SDHD: variants seen among roughly 807,000 people sequenced by gnomAD.
SDHD encodes the protein succinate dehydrogenase [ubiquinone] cytochrome b small subunit, mitochondrial.
Under a neutral mutation model 18.7 loss-of-function variants are expected in SDHD, and 6 were observed. That is an observed-to-expected ratio of 0.32 (90% CI 0.18 to 0.63). The LOEUF (loss-of-function observed/expected upper bound fraction) is 0.63. Among genes scored for constraint, SDHD ranks in the 30% least tolerant of loss-of-function variants. The pLI, the probability that SDHD is intolerant of heterozygous loss-of-function variation, is 0.79. For synonymous variants in SDHD, 56 were observed against 73.9 expected, an observed-to-expected ratio of 0.76 and a Z score of 1.24; for missense variants, 160 against 192.7, an observed-to-expected ratio of 0.83 and a Z score of 1.00.
intron 3 of SDHD, chr11:112,093,179 G>T (rs1247928462): frequency 1.4e-5 from 5 of 361,300 alleles, no homozygotes; most frequent in South Asian, 9.6e-5. Context: ...CGATTCTCCT[G>T]CCTCAGCCTC....
At chr11:112,088,378 T>C (rs1209969788) in intron 2 of SDHD, 3 of 340,678 alleles carry the variant, frequency 8.8e-6, no homozygotes, top group Admixed American at 8.6e-5. Context: ...TTTTGTACTT[T>C]TAGTAGAGAC....
At chr11:112,089,412 A>C (rs1252354809) in intron 3 of SDHD, among the ~76,000 whole-genome samples, 8 of 152,166 alleles carry the variant, frequency 5.3e-5, no homozygotes, top group Non-Finnish European at 1.2e-4. Context: ...TTCATTCCCA[A>C]CACAGCATAC....
At chr11:112,090,126 G>T (rs1366699211) in intron 3 of SDHD, among the ~76,000 whole-genome samples, 1 of 152,024 alleles carries the variant, frequency 6.6e-6, no homozygotes, top group Non-Finnish European at 1.5e-5. Flanking sequence ...TTTATTTTTT[G>T]AGACAGAGTC....
At position 112,086,932 on chromosome 11, in the gene SDHD, G is replaced by A. The variant is rs772671893; in HGVS notation, c.25G>A (p.Ala9Thr). The change falls in exon 1 of 4, where the codon GCC becomes ACC. Residue 9 changes from alanine (A) to threonine (T), a missense_variant. By Grantham distance (58) the Ala-to-Thr change is moderately conservative. Coordinates refer to ENST00000375549, the MANE Select transcript of SDHD (RefSeq NM_003002.4). ...GATGGCGGTTCTCTGGAGGCTGAGT[G>A]CCGTTTGCGGTGCCCTAGGAGGCCG... is the stretch of plus-strand genomic sequence containing the variant. MAVLWRLSAVCGALGGRAL... is the reference protein window; with the variant it reads MAVLWRLSTVCGALGGRAL... 1 of 1,614,242 alleles carries A rather than the reference G, an allele frequency of 6.2e-7. No homozygotes were observed. Among genetic ancestry groups the A allele is most frequent in the Non-Finnish European group, 8.5e-7 (1 of 1,180,030 alleles).
chr11:112,088,761 C>T lies in SDHD; in HGVS notation c.170-106C>T, dbSNP rs904090433. The T allele has an allele frequency of 1.7e-5, 20 of 1,203,032 alleles. No individual in the cohort carries two copies. In the African/African-American group the frequency reaches 2.4e-4, roughly 15 times the overall value. The allele number at this position is 1,203,032 out of a possible 1,614,324, so 74.5% of individuals were successfully genotyped here. On this transcript the variant is annotated intron_variant, in intron 2 of 3. Transcript: ENST00000375549. ...ACTTCCTTTGTACTCAGAGTTATAT[C>T]CTATATGTACACTGCCTGTCAGTTT...
intron 3 of SDHD, among the ~76,000 whole-genome samples, chr11:112,090,685 G>A (rs1286887868): frequency 6.6e-6 from 1 of 151,854 alleles, no homozygotes; most frequent in Non-Finnish European, 1.5e-5. Context: ...TTTCTAGCTA[G>A]TGTTAAAGAT....
Position 112,088,890 on chromosome 11 carries a change from C to T in SDHD, c.193C>T (p.His65Tyr). 6.2e-7 allele frequency: 1 copy of T among 1,612,512 alleles called. No individual in the cohort carries two copies. Among genetic ancestry groups the T allele is most frequent in the Non-Finnish European group, 8.5e-7 (1 of 1,179,930 alleles). ...HHSGSKAASL[H>Y]WTSERVVSVL... is the part of the protein sequence containing the mutation. ...AGCTGGCTCCAAGGCTGCATCTCTC[C>T]ACTGGACTAGCGAGAGGGTTGTCAG... The change falls in exon 3 of 4, where the codon CAC becomes TAC. Residue 65 changes from histidine to tyrosine, a missense_variant. Physicochemically the swap from His to Tyr is moderately conservative, Grantham distance 83 (BLOSUM62 2). Transcript: ENST00000375549.
chr11:112,090,099 GTTTGTT>G (rs777567856), intron 3 of SDHD, among the ~76,000 whole-genome samples: 63 of 151,904 alleles, frequency 4.1e-4, no homozygotes, highest in Admixed American at 1.4e-3. Context: ...GCGCCTGTTT[GTTTGTT>G]TGTTTGTTTG....
chr11:112,087,501 T>C (rs1865638736), intron 1 of SDHD, among the ~76,000 whole-genome samples: 1 of 152,196 alleles, frequency 6.6e-6, no homozygotes, highest in Admixed American at 6.5e-5. Flanking sequence ...CCGGGCAAGA[T>C]GAGGTCCTGA....
intron 2 of SDHD, chr11:112,088,628 A>G (rs1355774362): frequency 1.7e-6 from 1 of 576,752 alleles, no homozygotes; most frequent in East Asian, 3.1e-5. Context: ...CTGTCTTCTA[A>G]TCAATATGTA....
chr11:112,092,360 T>G (rs1367591328), intron 3 of SDHD, among the ~76,000 whole-genome samples: 1 of 152,202 alleles, frequency 6.6e-6, no homozygotes, highest in Non-Finnish European at 1.5e-5. Context: ...TCACGTAGGC[T>G]ACTTCGGTTG....
At position 112,093,159 on chromosome 11, in the gene SDHD, C is replaced by T. The variant is rs111659413; in HGVS notation, c.315-1646C>T. 0.049 allele frequency: 18,519 copies of T among 381,498 alleles called. 2,399 individuals carry two copies. Among genetic ancestry groups the T allele is most frequent in the African/African-American group, 0.32 (14,454 of 45,536 alleles). 23.6% of individuals were successfully genotyped at this position (381,498 alleles called of 1,614,324 possible). ...TCAGCTTACTGCAACCTCCGCCTTT[C>T]GGGTTCAAGCGATTCTCCTGCCTCA... On this transcript the variant is annotated intron_variant, in intron 3 of 3. Transcript: ENST00000375549.
At chr11:112,088,120 A>T in intron 2 of SDHD, 147 bp downstream of exon 2, 1 of 757,140 alleles carries the variant, frequency 1.3e-6, no homozygotes, top group Admixed American at 1.7e-5. Context: ...ACCTTTGGGC[A>T]GACAGTGCCA....
At chr11:112,091,133 G>A in intron 3 of SDHD, 1 of 965,156 alleles carries the variant, frequency 1.0e-6, no homozygotes, top group South Asian at 4.8e-5. Context: ...CACAAGTACA[G>A]TAAGTAATAT....
intron 3 of SDHD, among the ~76,000 whole-genome samples, chr11:112,089,842 A>C (rs1333311406): frequency 6.6e-6 from 1 of 151,914 alleles, no homozygotes; most frequent in Admixed American, 6.6e-5. Context: ...CTGCCTTCTA[A>C]TATACTACAT....
intron 2 of SDHD, chr11:112,088,236 G>C: frequency 1.1e-5 from 5 of 449,082 alleles, no homozygotes; most frequent in Non-Finnish European, 1.7e-5. Context: ...GTCTCGCTCT[G>C]TTATGCAGGC....
intron 1 of SDHD, 88 bp downstream of exon 1, chr11:112,087,047 A>G: frequency 1.4e-6 from 2 of 1,454,558 alleles, no homozygotes; most frequent in South Asian, 2.3e-5. Flanking sequence ...CGGGTGGGAG[A>G]TCTCTTGAGG....
At chr11:112,088,657 T>C in intron 2 of SDHD, 1 of 634,628 alleles carries the variant, frequency 1.6e-6, no homozygotes, top group African/African-American at 1.8e-5. Flanking sequence ...GATACCCTTG[T>C]GCTAAAAGAC....
intron 3 of SDHD, among the ~76,000 whole-genome samples, chr11:112,093,995 T>G (rs1027286712): frequency 6.6e-6 from 1 of 152,220 alleles, no homozygotes; most frequent in Non-Finnish European, 1.5e-5. Context: ...TTTGAATTAA[T>G]TAAAAATACT....
Sources: allele counts gnomAD v4.1 joint callset (sites outside exome capture counted in the v4.1 genomes callset), GRCh38; gene constraint gnomAD v4.1.1; transcripts MANE v1.5; gene names NCBI Gene and HGNC (gene_info 2026-07-23, HGNC 2026-07-21).